The following PALM2AKAP2 variants were observed in gnomAD, a reference collection of about 807,000 sequenced individuals.
The protein encoded by PALM2AKAP2 is PALM2-AKAP2 fusion protein.
PALM2AKAP2 carries 37 observed loss-of-function variants against 71.5 expected under a neutral mutation model. That is an observed-to-expected ratio of 0.52 (90% CI 0.40 to 0.68). PALM2AKAP2 has a LOEUF of 0.68. Ranked by LOEUF, PALM2AKAP2 falls within the 30% of genes least tolerant of loss-of-function variation. The pLI, the probability that PALM2AKAP2 is intolerant of heterozygous loss-of-function variation, is 0.00. For synonymous variants in PALM2AKAP2, 468 were observed against 478.8 expected, an observed-to-expected ratio of 0.98 and a Z score of 0.29; for missense variants, 1,224 against 1,191.8, an observed-to-expected ratio of 1.03 and a Z score of -0.40.
chr9:109,683,450 G>C (rs1226693773), intron 1 of PALM2AKAP2, among the ~76,000 whole-genome samples: 1 of 152,150 alleles, frequency 6.6e-6, no homozygotes, highest in Non-Finnish European at 1.5e-5. Flanking sequence ...GGACAGAAAG[G>C]ATTGCTAACC....
At chr9:110,143,349 G>T (rs1836081148) in intron 2 of PALM2AKAP2, among the ~76,000 whole-genome samples, 1 of 145,918 alleles carries the variant, frequency 6.9e-6, no homozygotes, top group Admixed American at 7.0e-5. Context: ...TTGAGCCCAG[G>T]TGTTCAAGGC....
intron 6 of PALM2AKAP2, among the ~76,000 whole-genome samples, chr9:109,955,540 T>C (rs1413348217): frequency 6.6e-6 from 1 of 152,246 alleles, no homozygotes; most frequent in Non-Finnish European, 1.5e-5. Context: ...AGCCCATACT[T>C]ATTTAAATTG....
intron 1 of PALM2AKAP2, among the ~76,000 whole-genome samples, chr9:109,710,533 T>A (rs1469507134): frequency 6.6e-6 from 1 of 152,198 alleles, no homozygotes; most frequent in Non-Finnish European, 1.5e-5. Context: ...AGTATGATGT[T>A]GAGCATCAGT....
chr9:110,040,957 G>A (rs1264341265), intron 7 of PALM2AKAP2, among the ~76,000 whole-genome samples: 1 of 152,130 alleles, frequency 6.6e-6, no homozygotes, highest in Non-Finnish European at 1.5e-5. Flanking sequence ...CTCTATTACA[G>A]CATGAACTCT....
At chr9:109,756,045 T>C (rs1828959013) in intron 1 of PALM2AKAP2, among the ~76,000 whole-genome samples, 1 of 152,180 alleles carries the variant, frequency 6.6e-6, no homozygotes, top group Admixed American at 6.6e-5. Context: ...TGTTCATTAC[T>C]GATATTCCAA....
upstream of PALM2AKAP2, among the ~76,000 whole-genome samples, chr9:109,776,473 A>G (rs1829350202): frequency 6.6e-6 from 1 of 152,214 alleles, no homozygotes; most frequent in African/African-American, 2.4e-5. Context: ...AGCTTGGGCA[A>G]TGGGTACAAC....
intron 1 of PALM2AKAP2, among the ~76,000 whole-genome samples, chr9:109,693,366 T>C (rs1827925287): frequency 6.6e-6 from 1 of 151,992 alleles, no homozygotes; most frequent in African/African-American, 2.4e-5. Context: ...CTGATCAGTC[T>C]ACCTAGTGTT....
intron 1 of PALM2AKAP2, among the ~76,000 whole-genome samples, chr9:109,649,103 G>GA (rs1564101045): frequency 4.0e-5 from 6 of 151,552 alleles, no homozygotes. Context: ...TTTAAACACT[G>GA]AAAGTTTGGT....
rs77906029 is a variant in PALM2AKAP2 at position 109,706,043 on chromosome 9, C to A, written c.5+65177C>A. 2.3e-3 allele frequency among the ~76,000 whole-genome samples: 354 copies of A among 152,116 alleles called. 1 individual carries two copies. Among genetic ancestry groups the A allele is most frequent in the African/African-American group, 8.3e-3 (345 of 41,506 alleles). On this transcript the variant is annotated intron_variant, in intron 1 of 6. Transcript: ENST00000374531. ...AGTCTCCCCAGCAAGGGATCAAAAT[C>A]GTGTAGAAGGGAAGGGGAGGGGAAG...
intron 1 of PALM2AKAP2, among the ~76,000 whole-genome samples, chr9:110,091,140 T>G (rs978535715): frequency 6.6e-6 from 1 of 152,132 alleles, no homozygotes; most frequent in African/African-American, 2.4e-5. Flanking sequence ...GTGCTTCTCT[T>G]AGAAGTCAAA....
chr9:109,766,113 G>A (rs1239878734), intron 1 of PALM2AKAP2, among the ~76,000 whole-genome samples: 2 of 152,168 alleles, frequency 1.3e-5, no homozygotes, highest in African/African-American at 2.4e-5. Flanking sequence ...CTACTGTCTG[G>A]GGAGTCCTTT....
intron 7 of PALM2AKAP2, among the ~76,000 whole-genome samples, chr9:110,041,669 G>A (rs1833514346): frequency 6.6e-6 from 1 of 152,204 alleles, no homozygotes; most frequent in Non-Finnish European, 1.5e-5. Flanking sequence ...TAAAGGAAAA[G>A]CAGGAACCAC....
intron 7 of PALM2AKAP2, among the ~76,000 whole-genome samples, chr9:110,039,381 A>G (rs539400603): frequency 1.3e-5 from 2 of 152,216 alleles, no homozygotes; most frequent in African/African-American, 4.8e-5. Flanking sequence ...AGCATATTTG[A>G]TAAAGTGAAA....
At chr9:109,953,145 AT>A (rs1831675128) in intron 6 of PALM2AKAP2, among the ~76,000 whole-genome samples, 1 of 152,194 alleles carries the variant, frequency 6.6e-6, no homozygotes, top group South Asian at 2.1e-4. Flanking sequence ...AATATTGACT[AT>A]TGACAGTTCC....
chr9:109,752,321 A>G (rs1564134702), intron 1 of PALM2AKAP2, among the ~76,000 whole-genome samples: 1 of 152,144 alleles, frequency 6.6e-6, no homozygotes, highest in East Asian at 1.9e-4. Context: ...CAGCTTTTCA[A>G]ACTTTCACAT....
At chr9:109,907,141 A>T (rs13293054) in intron 3 of PALM2AKAP2, among the ~76,000 whole-genome samples, 1 of 151,936 alleles carries the variant, frequency 6.6e-6, no homozygotes, top group East Asian at 1.9e-4. Context: ...CTGCCTCCCC[A>T]CAAGCAGAGT....
At chr9:109,781,735 A>G (rs1253711853) in intron 1 of PALM2AKAP2, among the ~76,000 whole-genome samples, 2 of 152,230 alleles carry the variant, frequency 1.3e-5, no homozygotes, top group Non-Finnish European at 2.9e-5. Flanking sequence ...TTTGCTGGCA[A>G]TATTGAAATG....
At position 109,910,961 on chromosome 9, in the gene PALM2AKAP2, A is replaced by T. The variant is rs188593074; in HGVS notation, c.258-12774A>T. On this transcript the variant is annotated intron_variant, in intron 3 of 9. Coordinates refer to the PALM2AKAP2 transcript ENST00000302798. ...TCACTTATTTTTAGTATGGAAAGAG[A>T]TAATTCTTGTTTATTGACTAGCAGG... 2.8e-4 allele frequency among the ~76,000 whole-genome samples: 42 copies of T among 152,278 alleles called. No homozygotes were observed. In the East Asian group the frequency reaches 7.7e-3, roughly 28 times the overall value.
intron 6 of PALM2AKAP2, among the ~76,000 whole-genome samples, chr9:109,962,962 G>A (rs1431816089): frequency 6.6e-6 from 1 of 152,174 alleles, no homozygotes; most frequent in African/African-American, 2.4e-5. Context: ...GCTCTTCAAG[G>A]TTAATGGAAA....
Sources: gnomAD v4.1 joint callset for allele counts (sites outside exome capture counted in the v4.1 genomes callset) on GRCh38, gnomAD v4.1.1 for gene constraint, MANE v1.5 for transcripts, NCBI Gene and HGNC (gene_info 2026-07-23, HGNC 2026-07-21) for gene names.